The following CAD variants were observed in gnomAD, a reference collection of about 807,000 sequenced individuals.
CAD encodes carbamoyl-phosphate synthetase 2, aspartate transcarbamylase, and dihydroorotase.
A neutral mutation model predicts 237.2 loss-of-function variants in CAD; 81 were observed. The observed-to-expected ratio is 0.34, with a 90% confidence interval of 0.29 to 0.41. The LOEUF (loss-of-function observed/expected upper bound fraction) is 0.41, where lower values mean the gene tolerates loss of function less well. Among genes scored for constraint, CAD ranks in the 10% least tolerant of loss-of-function variants. CAD has a pLI of 1.00. For synonymous variants in CAD, 1,196 were observed against 1,162.8 expected (o/e 1.03, Z -0.58); for missense variants, 2,181 against 2,951.7 (o/e 0.74, Z 6.05).
rs1676041333 is a variant in CAD, at chr2:27,236,945, G to C, written c.4396+115G>C. On this transcript the variant is annotated intron_variant, in intron 27 of 43. Coordinates refer to ENST00000264705, the MANE Select transcript of CAD (RefSeq NM_004341.5). The surrounding 1 kb of genome is among the most constrained non-coding windows in gnomAD (Gnocchi z 4.1). ...CTCTTTGTCCTGGACTGCACAGACTGTGAAGACCCCAGAATGTTTCTCACT... is the reference window on the plus strand; with the variant it reads ...CTCTTTGTCCTGGACTGCACAGACTCTGAAGACCCCAGAATGTTTCTCACT... 7.2e-6 allele frequency: 6 copies of C among 831,330 alleles called. No individual in the cohort carries two copies. Among genetic ancestry groups the C allele is most frequent in the Non-Finnish European group, 2.1e-6 (1 of 477,076 alleles). The allele number at this position is 831,330 out of a possible 1,614,324, so 51.5% of individuals were successfully genotyped here. A position where few individuals can be genotyped will look rare whatever the true frequency, so the allele number is the denominator to read the frequency against.
At chr2:27,220,332 T>G (rs1355810514) in intron 2 of CAD, among the ~76,000 whole-genome samples, 1 of 151,854 alleles carries the variant, frequency 6.6e-6, no homozygotes, top group African/African-American at 2.4e-5. Flanking sequence ...AGAGAAAGGA[T>G]TTGTGATTTC....
At chr2:27,229,876 G>GAA (rs1215538368) in intron 15 of CAD, among the ~76,000 whole-genome samples, 24 of 85,192 alleles carry the variant, frequency 2.8e-4, no homozygotes, top group Middle Eastern at 6.7e-3. Context: ...CTACGTCTCA[G>GAA]AAAAAAAAAA....
chr2:27,224,280 T>TA, intron 8 of CAD, 65 bp from the exon 9 acceptor site: 1 of 1,574,284 alleles, frequency 6.4e-7, no homozygotes, highest in South Asian at 1.1e-5. Context: ...GCGAGGGAGC[T>TA]AATCCAGTTG....
chr2:27,233,236 G>T lies in CAD; in HGVS notation c.2992-76G>T. The T allele has an allele frequency of 6.6e-7, 1 of 1,520,242 alleles. No homozygotes were observed. Among genetic ancestry groups the T allele is most frequent in the Non-Finnish European group, 9.1e-7 (1 of 1,096,040 alleles). The allele number at this position is 1,520,242 out of a possible 1,614,324, so 94.2% of individuals were successfully genotyped here. On this transcript the variant is annotated intron_variant, in intron 19 of 43. Transcript: ENST00000264705. The surrounding 1 kb of genome is among the most constrained non-coding windows in gnomAD (Gnocchi z 6.3). ...TTCTTTGAAACTTGGTGGCGGCTGA[G>T]GGAAGCAGTGAGCAGGAAGGCTCAG... is the stretch of plus-strand genomic sequence containing the variant.
Position 27,226,306 on chromosome 2 carries a change from C to T in CAD, c.2018C>T (p.Pro673Leu). ...TGCAATGTGCAGTATGCCTTGAACC[C>T]TGAGTCTGAGCAGGTAAGCTCTAGG... ...GECNVQYALN[P>L]ESEQYYIIEV... The change falls in exon 13 of 44, where the codon CCT (proline) becomes CTT (leucine). Residue 673 changes from proline (P) to leucine (L), a missense_variant. Around this residue, in one of 12 missense-constraint regions of CAD, gnomAD observed 385 missense variants for 535.1 expected, o/e 0.72. Transcript: ENST00000264705. 1.2e-6 allele frequency: 2 copies of T among 1,614,106 alleles called. No homozygotes were observed. Among genetic ancestry groups the T allele is most frequent in the Middle Eastern group, 1.7e-4 (1 of 6,058 alleles).
At position 27,224,289 on chromosome 2, in the gene CAD, T is replaced by A. The variant is rs1322922935; in HGVS notation, c.1109-56T>A. On this transcript the variant is annotated intron_variant, in intron 8 of 43. Transcript: ENST00000264705. ...CTGAAAGCGAGGGAGCTAATCCAGT[T>A]GACCTCTTGGGTCCAGCTCAGCTCT... 27 of 1,592,780 alleles carry A rather than the reference T, an allele frequency of 1.7e-5. 1 individual carries two copies. Among genetic ancestry groups the A allele is most frequent in the Admixed American group, 6.7e-5 (4 of 59,560 alleles).
intron 15 of CAD, 72 bp from the exon 16 acceptor site, chr2:27,231,396 G>C (rs1675747259): frequency 2.4e-6 from 2 of 832,644 alleles, no homozygotes; most frequent in Non-Finnish European, 4.2e-6. Context: ...TAAACCATAA[G>C]CATTATGGGC....
rs1675997986 is a variant in CAD at position 27,236,303 on chromosome 2, A to G, written c.4094A>G (p.His1365Arg). Residue 1365 changes from histidine (H) to arginine (R), a missense_variant, in exon 26 of 44, where the codon CAC becomes CGC. Physicochemically the swap from His to Arg is conservative, Grantham distance 29. Transcript: ENST00000264705. This position sits in a 1 kb window ranked among gnomAD's most constrained non-coding sequence, Gnocchi z 4.1. ...TGGCAGGTAACAGCTGTGGACTGGC[A>G]CTTTGAGGAGGCTGTGGATGGTGAG... ...HGVKVTAVDW[H>R]FEEAVDGECP... 6.2e-7 allele frequency: 1 copy of G among 1,613,994 alleles called. No individual in the cohort carries two copies. The highest frequency in any genetic ancestry group is 8.5e-7 in the Non-Finnish European group (1 of 1,179,980).
At chr2:27,230,092 C>T (rs988318577) in intron 15 of CAD, among the ~76,000 whole-genome samples, 38 of 148,898 alleles carry the variant, frequency 2.6e-4, no homozygotes, top group African/African-American at 9.4e-4. Context: ...ACAAAAATTA[C>T]CCAGGCATGG....
intron 8 of CAD, 103 bp downstream of exon 8, chr2:27,224,132 GT>G (rs1382896527): frequency 2.1e-6 from 2 of 972,114 alleles, no homozygotes; most frequent in Non-Finnish European, 3.2e-6. Flanking sequence ...TGTCTAGGAG[GT>G]TAAGGGTATT....
chr2:27,240,625 C>T lies in CAD; in HGVS notation c.5593+264C>T. The stretch of plus-strand genomic sequence containing the variant: ...GGGGCAGCAGAGCGTGGGGTAAATC[C>T]AGGTTGTTGGTTGGTGTGAGTCTGG... On this transcript the variant is annotated intron_variant, in intron 35 of 43. Coordinates refer to ENST00000264705, the MANE Select transcript of CAD (RefSeq NM_004341.5). The surrounding 1 kb of genome is among the most constrained non-coding windows in gnomAD (Gnocchi z 4.6). 9 of 1,543,572 alleles carry T rather than the reference C, an allele frequency of 5.8e-6. No individual in the cohort carries two copies. Among genetic ancestry groups the T allele is most frequent in the South Asian group, 1.2e-5 (1 of 83,146 alleles).
At position 27,231,487 on chromosome 2, in the gene CAD, G is replaced by A; in HGVS notation, c.2307G>A (p.Gly769=). The A allele has an allele frequency of 6.2e-7, 1 of 1,609,858 alleles. No homozygotes were observed. The highest frequency in any genetic ancestry group is 1.1e-5 in the South Asian group (1 of 90,988). The part of the protein sequence containing the change: ...MKSVGEVMGI[G]RSFEEAFQKA... ...TTCCAGGTGAAGTCATGGGCATTGG[G>A]CGTTCATTTGAGGAGGCCTTCCAGA... Residue 769 remains glycine (G), a synonymous_variant, in exon 16 of 44, where the codon GGG becomes GGA. Transcript: ENST00000264705.
intron 15 of CAD, 56 bp from the exon 16 acceptor site, chr2:27,231,412 C>A: frequency 9.9e-7 from 1 of 1,008,480 alleles, no homozygotes; most frequent in Non-Finnish European, 1.6e-6. Flanking sequence ...TGGGCAGTGC[C>A]TTCTTCCCAC....
rs893241038 is a variant in CAD at position 27,239,297 on chromosome 2, C to T, written c.5254-34C>T. 2.5e-6 allele frequency: 4 copies of T among 1,604,652 alleles called. 1 individual carries two copies. Among genetic ancestry groups the T allele is most frequent in the Non-Finnish European group, 2.6e-6 (3 of 1,172,506 alleles). On this transcript the variant is annotated intron_variant, in intron 32 of 43. Coordinates refer to ENST00000264705, the MANE Select transcript of CAD (RefSeq NM_004341.5). This position sits in a 1 kb window ranked among gnomAD's most constrained non-coding sequence, Gnocchi z 4.0. Reference sequence around the variant, plus strand: ...GCCCTAGGATATGTTCTCTGGGGATCCTTTCCCTAGCATAACCCATGTCCT... The same window carrying T: ...GCCCTAGGATATGTTCTCTGGGGATTCTTTCCCTAGCATAACCCATGTCCT...
Position 27,218,000 on chromosome 2 carries a change from A to C in CAD, c.206A>C (p.Glu69Ala). The C allele has an allele frequency of 1.9e-6, 3 of 1,608,742 alleles. No individual in the cohort carries two copies. The highest frequency in any genetic ancestry group is 2.5e-6 in the Non-Finnish European group (3 of 1,177,458). The part of the protein sequence containing the change: ...NYGIPPDEMD[E>A]FGLCKWFESS... Reference sequence around the variant, plus strand: ...GGCATCCCCCCAGATGAAATGGATGAGTTCGGTCTCTGCAAGGTAGCCACA... The same window carrying C: ...GGCATCCCCCCAGATGAAATGGATGCGTTCGGTCTCTGCAAGGTAGCCACA... Residue 69 changes from glutamate (E) to alanine (A), a missense_variant, in exon 2 of 44, where the codon GAG becomes GCG. Physicochemically the swap from Glu to Ala is moderately radical, Grantham distance 107. Around this residue, in one of 12 missense-constraint regions of CAD, gnomAD observed 314 missense variants for 339.4 expected, o/e 0.93. Transcript: ENST00000264705.
intron 15 of CAD, among the ~76,000 whole-genome samples, chr2:27,230,634 A>G (rs1048886743): frequency 6.6e-6 from 1 of 152,212 alleles, no homozygotes. Context: ...CTAAAAAAAA[A>G]AAACCTATGA....
Position 27,222,659 on chromosome 2 carries a change from A to G in CAD, c.636A>G (p.Gln212=). 6.2e-7 allele frequency: 1 copy of G among 1,612,706 alleles called. No individual in the cohort carries two copies. The highest frequency in any genetic ancestry group is 1.7e-5 in the Admixed American group (1 of 59,994). The change falls in exon 5 of 44, where the codon CAA becomes CAG. Residue 212 remains glutamine (Q), a splice_region_variant and synonymous_variant. Transcript: ENST00000264705. ...CCTGGGACCATGCACTAGACAGCCA[A>G]GGTGAGTAGCTGGGGCCTGTTCAGG... ...VVPWDHALDS[Q]EYEGLFLSNG... is the part of the protein sequence containing the mutation.
rs1312993984 is a variant in CAD at position 27,242,655 on chromosome 2, A to G, written c.6258A>G (p.Thr2086=). ...TGGGTGACCTGAAGCACGGACGCACAGTACATTCCCTGGCCTGCCTGCTCA... is the reference window on the plus strand; with the variant it reads ...TGGGTGACCTGAAGCACGGACGCACGGTACATTCCCTGGCCTGCCTGCTCA... ...TMVGDLKHGR[T]VHSLACLLTQ... The change falls in exon 41 of 44, where the codon ACA becomes ACG. Residue 2086 remains threonine (T), a synonymous_variant. Coordinates refer to ENST00000264705, the MANE Select transcript of CAD (RefSeq NM_004341.5). This position sits in a 1 kb window ranked among gnomAD's most constrained non-coding sequence, Gnocchi z 6.4. The G allele has an allele frequency of 3.7e-6, 6 of 1,610,790 alleles. No homozygotes were observed. The highest frequency in any genetic ancestry group is 5.1e-6 in the Non-Finnish European group (6 of 1,177,644).
chr2:27,231,722 A>C (rs1675767332), intron 16 of CAD, 142 bp downstream of exon 16: 1 of 676,868 alleles, frequency 1.5e-6, no homozygotes, highest in Non-Finnish European at 2.5e-6. Flanking sequence ...GAGAATTTTG[A>C]GATGTCTCAT....
Sources: gnomAD v4.1 joint callset for allele counts (sites outside exome capture counted in the v4.1 genomes callset) on GRCh38, gnomAD v4.1.1 for gene constraint, gnomAD v4.1.1 regional missense constraint, Gnocchi (gnomAD v3.1) non-coding constraint, MANE v1.5 for transcripts, NCBI Gene and HGNC (gene_info 2026-07-23, HGNC 2026-07-21) for gene names.